GFOD1: variants seen among roughly 807,000 people sequenced by gnomAD.
GFOD1 encodes glucose-fructose oxidoreductase domain-containing protein 1.
A neutral mutation model predicts 25.4 loss-of-function variants in GFOD1; 9 were observed. The observed-to-expected ratio is 0.35, with a 90% CI of 0.21 to 0.62. The LOEUF is 0.62. Ranked by LOEUF, GFOD1 falls within the 20% of genes least tolerant of loss-of-function variation. GFOD1 has a pLI of 0.72. For synonymous variants in GFOD1, 253 were observed against 245.6 expected, an observed-to-expected ratio of 1.03 and a Z score of -0.28; for missense variants, 403 against 556.9, an observed-to-expected ratio of 0.72 and a Z score of 2.78.
intron 1 of GFOD1, among the ~76,000 whole-genome samples, chr6:13,440,251 G>A (rs938195664): frequency 9.2e-5 from 14 of 151,812 alleles, no homozygotes; most frequent in African/African-American, 3.4e-4. Flanking sequence ...ATGCAATGGC[G>A]CGATCTCAGT....
At chr6:13,415,840 G>A (rs1430723651) in intron 1 of GFOD1, among the ~76,000 whole-genome samples, 2 of 152,076 alleles carry the variant, frequency 1.3e-5, no homozygotes, top group African/African-American at 2.4e-5. Flanking sequence ...TTTTCTATTC[G>A]TTCATTAAAC....
At chr6:13,475,422 A>G (rs567617801) in intron 1 of GFOD1, among the ~76,000 whole-genome samples, 3 of 151,926 alleles carry the variant, frequency 2.0e-5, no homozygotes, top group African/African-American at 7.2e-5. Flanking sequence ...AAAAATACAA[A>G]AATTAGGCTG....
At chr6:13,404,735 A>G (rs1584631916) in intron 1 of GFOD1, among the ~76,000 whole-genome samples, 2 of 152,230 alleles carry the variant, frequency 1.3e-5, no homozygotes. Context: ...TCATTTCAAG[A>G]TGTAAAGAGG....
intron 1 of GFOD1, among the ~76,000 whole-genome samples, chr6:13,379,297 G>A (rs888004451): frequency 3.3e-5 from 5 of 152,186 alleles, no homozygotes; most frequent in Admixed American, 3.3e-4. Context: ...GTCTTGGTGG[G>A]TGGTACAGCC....
rs2127570003 is a variant in GFOD1 at position 13,430,149 on chromosome 6, C to G, written c.253+56489G>C. On this transcript the variant is annotated intron_variant, in intron 1 of 1. Coordinates refer to ENST00000379287, the MANE Select transcript of GFOD1 (RefSeq NM_018988.4). This position sits in a 1 kb window ranked among gnomAD's most constrained non-coding sequence, Gnocchi z 4.1. ...TGTAGGAATGCTTGCTTTTAAAATCCAGCCAGGCCGGGAGCAGTCGCTCAT... is the reference window on the plus strand; with the variant it reads ...TGTAGGAATGCTTGCTTTTAAAATCGAGCCAGGCCGGGAGCAGTCGCTCAT... 6.6e-6 allele frequency among the ~76,000 whole-genome samples: 1 copy of G among 152,310 alleles called. No homozygotes were observed. The highest frequency in any genetic ancestry group is 2.4e-5 in the African/African-American group (1 of 41,570).
At chr6:13,426,482 G>GT (rs1562215600) in intron 1 of GFOD1, among the ~76,000 whole-genome samples, 11 of 152,208 alleles carry the variant, frequency 7.2e-5, no homozygotes. Flanking sequence ...TCCCAGGAAA[G>GT]TAACTATGAC....
chr6:13,462,057 C>T (rs1312527281), intron 1 of GFOD1, among the ~76,000 whole-genome samples: 3 of 152,216 alleles, frequency 2.0e-5, no homozygotes, highest in Non-Finnish European at 4.4e-5. Context: ...GGGCAAGGTC[C>T]TTAACCTCTC....
chr6:13,378,861 C>T (rs577160981), intron 1 of GFOD1, among the ~76,000 whole-genome samples: 129 of 152,252 alleles, frequency 8.5e-4, no homozygotes, highest in African/African-American at 2.7e-3. Flanking sequence ...GGAAAGCAGC[C>T]CAGTGCTCCA....
At chr6:13,385,844 C>T (rs1785462823) in intron 1 of GFOD1, among the ~76,000 whole-genome samples, 1 of 152,202 alleles carries the variant, frequency 6.6e-6, no homozygotes, top group African/African-American at 2.4e-5. Context: ...TAAATCCCAA[C>T]TTCTAAGGAT....
intron 1 of GFOD1, among the ~76,000 whole-genome samples, chr6:13,438,478 C>T (rs1465298911): frequency 1.3e-5 from 2 of 152,128 alleles, no homozygotes; most frequent in Non-Finnish European, 2.9e-5. Flanking sequence ...TCAGTACCAT[C>T]TCTGAATGTA....
At chr6:13,403,023 G>T (rs137980517) in intron 1 of GFOD1, among the ~76,000 whole-genome samples, 1 of 151,692 alleles carries the variant, frequency 6.6e-6, no homozygotes, top group Admixed American at 6.6e-5. Context: ...ATCATTAGGC[G>T]ATTTTGCTGT....
chr6:13,365,693 G>C lies in GFOD1; in HGVS notation c.254-31C>G. The C allele has an allele frequency of 1.3e-6, 2 of 1,497,384 alleles. No homozygotes were observed. The highest frequency in any genetic ancestry group is 2.3e-5 in the South Asian group (2 of 87,906). 92.8% of individuals were successfully genotyped at this position (1,497,384 alleles called of 1,614,324 possible). ...GGTGGGAGGAAGACAGCGGTCAGCG[G>C]GGCAGGACCATGTCCGAGCGCGCGT... On this transcript the variant is annotated intron_variant, in intron 1 of 1. Transcript: ENST00000379287. The surrounding 1 kb of genome is among the most constrained non-coding windows in gnomAD (Gnocchi z 9.2).
At chr6:13,432,752 G>A (rs1299773048) in intron 1 of GFOD1, among the ~76,000 whole-genome samples, 1 of 152,050 alleles carries the variant, frequency 6.6e-6, no homozygotes, top group Non-Finnish European at 1.5e-5. Context: ...CACTATGGTT[G>A]TTCCCTGAGC....
chr6:13,449,961 G>A (rs1758066817), intron 1 of GFOD1, among the ~76,000 whole-genome samples: 1 of 152,116 alleles, frequency 6.6e-6, no homozygotes, highest in Non-Finnish European at 1.5e-5. Context: ...AAGACTAACT[G>A]GCTTTCCTGA....
At chr6:13,469,445 T>C (rs778929778) in intron 1 of GFOD1, 404 of 987,864 alleles carry the variant, frequency 4.1e-4, no homozygotes, top group Non-Finnish European at 4.7e-4. Flanking sequence ...ATGATGCAAG[T>C]TCCAGTTCAG....
chr6:13,414,061 G>A (rs1207423452), intron 1 of GFOD1, among the ~76,000 whole-genome samples: 5 of 152,212 alleles, frequency 3.3e-5, no homozygotes, highest in Admixed American at 3.3e-4. Context: ...ATAAGGGCTT[G>A]CTCACACCAA....
chr6:13,407,520 G>C (rs1321541551), intron 1 of GFOD1, among the ~76,000 whole-genome samples: 1 of 152,206 alleles, frequency 6.6e-6, no homozygotes, highest in Non-Finnish European at 1.5e-5. Flanking sequence ...GAATGGCCCA[G>C]ACAGTTGGAA....
intron 1 of GFOD1, among the ~76,000 whole-genome samples, chr6:13,421,328 A>G (rs534077651): frequency 1.3e-5 from 2 of 152,056 alleles, no homozygotes; most frequent in Non-Finnish European, 2.9e-5. Context: ...TCTCTATAAA[A>G]AGTTAAAAAC....
At chr6:13,369,433 T>C (rs915884564) in intron 1 of GFOD1, among the ~76,000 whole-genome samples, 2 of 152,136 alleles carry the variant, frequency 1.3e-5, no homozygotes, top group Non-Finnish European at 2.9e-5. Context: ...CGCCCATAAT[T>C]CTGGAGTTTT....
Sources: gnomAD v4.1 joint callset for allele counts (sites outside exome capture counted in the v4.1 genomes callset) on GRCh38, gnomAD v4.1.1 for gene constraint, Gnocchi (gnomAD v3.1) non-coding constraint, MANE v1.5 for transcripts, NCBI Gene and HGNC (gene_info 2026-07-23, HGNC 2026-07-21) for gene names.